TET1: variants seen among roughly 807,000 people sequenced by gnomAD.
TET1 encodes the protein tet methylcytosine dioxygenase 1.
In TET1, 13 loss-of-function variants were observed where a neutral mutation model predicts 148.7. The observed-to-expected ratio is 0.09, with a 90% CI of 0.06 to 0.14. TET1 has a LOEUF of 0.14. Among genes scored for constraint, TET1 ranks in the 10% least tolerant of loss-of-function variants. The pLI is 1.00. For synonymous variants in TET1, 907 were observed against 937.2 expected (o/e 0.97, Z 0.59); for missense variants, 2,182 against 2,553.8 (o/e 0.85, Z 3.14).
At chr10:68,581,206 G>T in intron 2 of TET1, among the ~76,000 whole-genome samples, 1 of 151,862 alleles carries the variant, frequency 6.6e-6, no homozygotes, top group East Asian at 1.9e-4. Context: ...GGTATCTTTT[G>T]GTCATGGAAA....
At chr10:68,572,082 C>A (rs1436430286) in intron 1 of TET1, 135 bp from the exon 2 acceptor site, 2 of 389,036 alleles carry the variant, frequency 5.1e-6, no homozygotes, top group African/African-American at 4.1e-5. Context: ...CATGCCTCTG[C>A]ACTCCAGCCT....
At position 68,572,624 on chromosome 10, in the gene TET1, T is replaced by C. The variant is rs2053682759; in HGVS notation, c.286T>C (p.Ser96Pro). 6.2e-7 allele frequency: 1 copy of C among 1,613,784 alleles called. No individual in the cohort carries two copies. The highest frequency in any genetic ancestry group is 1.3e-5 in the African/African-American group (1 of 74,812). Residue 96 changes from serine to proline, a missense_variant, in exon 2 of 12, where the codon TCC (serine) becomes CCC (proline). Ser to Pro is a moderately conservative substitution (Grantham distance 74, BLOSUM62 -1). This residue lies in a region of TET1 where 665 missense variants were observed against 672.4 expected (regional missense o/e 0.99). Coordinates refer to ENST00000373644, the MANE Select transcript of TET1 (RefSeq NM_030625.3). ...TGAGGTTCTTTTTCAGAACCCAGAG[T>C]CCTTAACCTGCAATGGGTTTACAAT... ...RTEVLFQNPE[S>P]LTCNGFTMAL...
intron 8 of TET1, among the ~76,000 whole-genome samples, chr10:68,680,612 T>C (rs1436520629): frequency 3.9e-5 from 6 of 152,212 alleles, no homozygotes; most frequent in Admixed American, 6.5e-5. Flanking sequence ...CCTCCCAAAA[T>C]GTTGGGATTA....
At position 68,573,327 on chromosome 10, in the gene TET1, T is replaced by A; in HGVS notation, c.989T>A (p.Leu330His). Residue 330 changes from leucine (L) to histidine (H), a missense_variant, in exon 2 of 12, where the codon CTC (leucine) becomes CAC (histidine). Coordinates refer to ENST00000373644, the MANE Select transcript of TET1 (RefSeq NM_030625.3). ...TCTCCTACCTCTGTAATAAAATTCC[T>A]CTTGGCAGGCTCAAAACAAGCGACC... The part of the protein sequence containing the change: ...STSPTSVIKF[L>H]LAGSKQATLG... The A allele has an allele frequency of 6.2e-7, 1 of 1,614,150 alleles. No individual in the cohort carries two copies. The highest frequency in any genetic ancestry group is 8.5e-7 in the Non-Finnish European group (1 of 1,180,038).
intron 3 of TET1, among the ~76,000 whole-genome samples, chr10:68,601,241 C>T (rs945305361): frequency 3.3e-5 from 5 of 152,022 alleles, no homozygotes; most frequent in Admixed American, 3.3e-4. Context: ...ATTTTCAACT[C>T]CACTCAAGTC....
intron 8 of TET1, among the ~76,000 whole-genome samples, chr10:68,675,564 ATT>A (rs11313882): frequency 8.6e-4 from 113 of 131,418 alleles, no homozygotes; most frequent in African/African-American, 7.4e-4. Context: ...TATCCACGTC[ATT>A]TTTTTTTTTT....
intron 6 of TET1, among the ~76,000 whole-genome samples, chr10:68,659,715 T>C (rs942921325): frequency 2.0e-5 from 3 of 152,218 alleles, no homozygotes; most frequent in African/African-American, 7.2e-5. Flanking sequence ...TACTTGCTTA[T>C]AGAGTTCATT....
intron 2 of TET1, among the ~76,000 whole-genome samples, chr10:68,599,650 T>A (rs1242410272): frequency 6.6e-6 from 1 of 152,168 alleles, no homozygotes. Flanking sequence ...AAGTGGGTGG[T>A]TCCGTCTGAC....
At position 68,572,565 on chromosome 10, in the gene TET1, G is replaced by A. The variant is rs767663146; in HGVS notation, c.227G>A (p.Arg76Lys). The change falls in exon 2 of 12, where the codon AGA (arginine) becomes AAA (lysine). Residue 76 changes from arginine to lysine, a missense_variant. By Grantham distance (26) the Arg-to-Lys change is conservative. Coordinates refer to ENST00000373644, the MANE Select transcript of TET1 (RefSeq NM_030625.3). ...GTGCCAGTCAGAAGCCTTCTGACAA[G>A]AGCTGGAGCAGCACGCATGAATTTG... ...PPVPVRSLLT[R>K]AGAARMNLDR... 6.2e-7 allele frequency: 1 copy of A among 1,614,098 alleles called. No homozygotes were observed. The highest frequency in any genetic ancestry group is 1.1e-5 in the South Asian group (1 of 91,070).
intron 8 of TET1, among the ~76,000 whole-genome samples, chr10:68,678,911 C>G (rs999380185): frequency 6.6e-6 from 1 of 151,806 alleles, no homozygotes; most frequent in African/African-American, 2.4e-5. Context: ...CACAGTGGCT[C>G]ACACCTGTAA....
intron 2 of TET1, among the ~76,000 whole-genome samples, chr10:68,575,007 T>C (rs1478184848): frequency 6.6e-6 from 1 of 152,234 alleles, no homozygotes; most frequent in Non-Finnish European, 1.5e-5. Context: ...TCAAATATGA[T>C]GTTTTGTGAT....
At chr10:68,575,002 TATG>T (rs1291816925) in intron 2 of TET1, among the ~76,000 whole-genome samples, 4 of 152,234 alleles carry the variant, frequency 2.6e-5, no homozygotes, top group Non-Finnish European at 4.4e-5. Context: ...ACCTGTCAAA[TATG>T]ATGTTTTGTG....
chr10:68,638,765 T>TTGTGTGTGTGTG (rs59106736), intron 3 of TET1, among the ~76,000 whole-genome samples: 50 of 140,912 alleles, frequency 3.5e-4, no homozygotes, highest in Admixed American at 1.5e-3. Context: ...TGTATGGAGT[T>TTGTGTGTGTGTG]TGTGTGTGTG....
chr10:68,687,466 C>A (rs996825763), intron 11 of TET1, among the ~76,000 whole-genome samples: 3 of 152,110 alleles, frequency 2.0e-5, no homozygotes, highest in Non-Finnish European at 4.4e-5. Context: ...TTTCGGGATG[C>A]CTTCCTTGGT....
At chr10:68,607,794 ATATT>A in intron 3 of TET1, among the ~76,000 whole-genome samples, 1 of 148,362 alleles carries the variant, frequency 6.7e-6, no homozygotes, top group Middle Eastern at 3.6e-3. Context: ...ATGAATATAT[ATATT>A]CTCTCTATAT....
At chr10:68,582,723 C>G in intron 2 of TET1, among the ~76,000 whole-genome samples, 1 of 152,010 alleles carries the variant, frequency 6.6e-6, no homozygotes, top group Non-Finnish European at 1.5e-5. Context: ...TTCAAACAGC[C>G]GTATCTCATT....
chr10:68,626,956 T>C (rs747031179), intron 3 of TET1, among the ~76,000 whole-genome samples: 3 of 152,218 alleles, frequency 2.0e-5, no homozygotes, highest in Non-Finnish European at 4.4e-5. Flanking sequence ...TTTAAGACAT[T>C]TGTACAGTTA....
At position 68,682,270 on chromosome 10, in the gene TET1, C is replaced by G. The variant is rs1352487684; in HGVS notation, c.4915-566C>G. 2.0e-5 allele frequency among the ~76,000 whole-genome samples: 3 copies of G among 151,684 alleles called. No homozygotes were observed. The South Asian group carries it at 6.2e-4, about 32-fold the overall frequency. ...GGGACTACAGGCATGCGCCACCACA[C>G]CCCGCTAATTTTTGTATTTTTAGTA... is the stretch of plus-strand genomic sequence containing the variant. On this transcript the variant is annotated intron_variant, in intron 9 of 11. Coordinates refer to ENST00000373644, the MANE Select transcript of TET1 (RefSeq NM_030625.3).
At chr10:68,593,286 A>T (rs2053940373) in intron 2 of TET1, among the ~76,000 whole-genome samples, 1 of 150,346 alleles carries the variant, frequency 6.7e-6, no homozygotes, top group Non-Finnish European at 1.5e-5. Context: ...ACATTGTTTT[A>T]AGGGGTTTTG....
Sources: gnomAD v4.1 joint callset for allele counts (sites outside exome capture counted in the v4.1 genomes callset) on GRCh38, gnomAD v4.1.1 for gene constraint, gnomAD v4.1.1 regional missense constraint, MANE v1.5 for transcripts, NCBI Gene and HGNC (gene_info 2026-07-23, HGNC 2026-07-21) for gene names.